Variants in MARCHF4 observed in about 807,000 individuals in gnomAD.
MARCHF4 encodes membrane associated ring-CH-type finger 4.
A neutral mutation model predicts 43.9 loss-of-function variants in MARCHF4; 14 were observed. The ratio of observed to expected loss-of-function variants is 0.32; its 90% CI spans 0.21 to 0.50. The LOEUF is 0.50. MARCHF4 is among the 20% of genes least tolerant of loss of function. MARCHF4 has a pLI of 0.98. For missense variants in MARCHF4, 468 were observed against 536.7 expected, an observed-to-expected ratio of 0.87 and a Z score of 1.27; for synonymous variants, 226 against 213.3, an observed-to-expected ratio of 1.06 and a Z score of -0.52.
chr2:216,353,973 C>G (rs929496218), intron 1 of MARCHF4, among the ~76,000 whole-genome samples: 1 of 152,192 alleles, frequency 6.6e-6, no homozygotes, highest in African/African-American at 2.4e-5. Flanking sequence ...AAAGTTTCTT[C>G]CAGACCCTCT....
intron 1 of MARCHF4, among the ~76,000 whole-genome samples, chr2:216,368,259 T>C (rs1007980368): frequency 5.3e-5 from 8 of 152,224 alleles, no homozygotes; most frequent in African/African-American, 1.7e-4. Flanking sequence ...GGCACCCTCT[T>C]GTTGTCAGCC....
chr2:216,260,442 C>T (rs1690722911), intron 3 of MARCHF4, among the ~76,000 whole-genome samples: 1 of 152,178 alleles, frequency 6.6e-6, no homozygotes, highest in East Asian at 1.9e-4. Context: ...CCTGTTTTAG[C>T]AAGGGTGGTG....
intron 1 of MARCHF4, among the ~76,000 whole-genome samples, chr2:216,334,814 A>G (rs1202522810): frequency 6.6e-6 from 1 of 152,274 alleles, no homozygotes; most frequent in African/African-American, 2.4e-5. Context: ...AGGCTGTTTT[A>G]TCAGAAAAGA....
chr2:216,369,976 T>C lies in MARCHF4; in HGVS notation c.285A>G (p.Glu95=). ...CAGGAGGGGGCTCCCTGCCCACCAC[T>C]TCTCGGGGGCCCCTCCAGCCTGCCC... ...GGWAGWRGPR[E]VVGREPPPVP... Residue 95 remains glutamate (E), a synonymous_variant, in exon 1 of 4, where the codon GAA becomes GAG. Transcript: ENST00000273067. 6.4e-7 allele frequency: 1 copy of C among 1,555,854 alleles called. No homozygotes were observed. The highest frequency in any genetic ancestry group is 8.7e-7 in the Non-Finnish European group (1 of 1,147,296).
chr2:216,358,507 G>T (rs1439397919), intron 1 of MARCHF4, among the ~76,000 whole-genome samples: 2 of 152,310 alleles, frequency 1.3e-5, no homozygotes, highest in Admixed American at 6.5e-5. Flanking sequence ...GCATGATAAG[G>T]CATAAACAAG....
At chr2:216,289,236 C>A (rs537551409) in intron 1 of MARCHF4, among the ~76,000 whole-genome samples, 14 of 128,532 alleles carry the variant, frequency 1.1e-4, no homozygotes, top group Middle Eastern at 4.0e-3. Context: ...CTTCCCCACC[C>A]GCCCCCCACC....
chr2:216,304,725 G>A (rs1691553346), intron 1 of MARCHF4, among the ~76,000 whole-genome samples: 1 of 152,262 alleles, frequency 6.6e-6, no homozygotes, highest in South Asian at 2.1e-4. Context: ...AGGCTGAGGT[G>A]GGCGGATCAC....
intron 1 of MARCHF4, among the ~76,000 whole-genome samples, chr2:216,325,888 A>G (rs1303244858): frequency 6.8e-5 from 10 of 147,604 alleles, no homozygotes; most frequent in Admixed American, 2.7e-4. Context: ...ACCATTCAGG[A>G]CATAGGCATG....
At chr2:216,260,405 A>C (rs911812702) in intron 3 of MARCHF4, among the ~76,000 whole-genome samples, 5 of 152,244 alleles carry the variant, frequency 3.3e-5, no homozygotes, top group Non-Finnish European at 2.9e-5. Context: ...CTGGGGTTAA[A>C]TATCCACTGG....
chr2:216,324,511 A>G (rs962510692), intron 1 of MARCHF4, among the ~76,000 whole-genome samples: 28 of 152,180 alleles, frequency 1.8e-4, no homozygotes, highest in Admixed American at 5.9e-4. Flanking sequence ...AGACACAACC[A>G]AAAAAGAGAA....
intron 1 of MARCHF4, among the ~76,000 whole-genome samples, chr2:216,366,157 C>T (rs1692663504): frequency 6.6e-6 from 1 of 152,166 alleles, no homozygotes. Context: ...TGATTTGATG[C>T]TCAGAATAAT....
chr2:216,268,431 G>T (rs761847103), intron 3 of MARCHF4, among the ~76,000 whole-genome samples: 4 of 152,204 alleles, frequency 2.6e-5, no homozygotes, highest in Non-Finnish European at 4.4e-5. Context: ...ATTGGATCAT[G>T]GAGGCGGTTT....
chr2:216,323,184 G>A (rs564423385), intron 1 of MARCHF4, among the ~76,000 whole-genome samples: 24 of 152,176 alleles, frequency 1.6e-4, no homozygotes, highest in African/African-American at 5.1e-4. Flanking sequence ...ACCTCCTTAA[G>A]CTTATAGTAA....
chr2:216,352,529 GT>G (rs1471127801), intron 1 of MARCHF4, among the ~76,000 whole-genome samples: 1 of 151,928 alleles, frequency 6.6e-6, no homozygotes, highest in Non-Finnish European at 1.5e-5. Context: ...TTTTGTTGTT[GT>G]TTTTTTAATA....
rs1692751271 is a variant in MARCHF4, at chr2:216,371,005, T to C, written c.-745A>G. 2 of 152,082 alleles carry C rather than the reference T, an allele frequency of 1.3e-5. No individual in the cohort carries two copies. The highest frequency in any genetic ancestry group is 2.9e-5 in the Non-Finnish European group (2 of 68,048). The allele number at this position is 152,082 out of a possible 1,614,324, so 9.4% of individuals were successfully genotyped here. A position where few individuals can be genotyped will look rare whatever the true frequency, so the allele number is the denominator to read the frequency against. ...TTGCAGGTGAAACTGGGCTAGGGGCTTGTGCTTTGCCTCCGCAGCCAAAGG... is the reference window on the plus strand; with the variant it reads ...TTGCAGGTGAAACTGGGCTAGGGGCCTGTGCTTTGCCTCCGCAGCCAAAGG... On this transcript the variant is annotated 5_prime_UTR_variant, in exon 1 of 4. Transcript: ENST00000273067.
At chr2:216,268,950 AAT>A (rs1475056972) in intron 3 of MARCHF4, among the ~76,000 whole-genome samples, 1 of 152,292 alleles carries the variant, frequency 6.6e-6, no homozygotes, top group East Asian at 1.9e-4. Context: ...ATGAGATTTA[AAT>A]TCCTTCATCT....
chr2:216,259,222 C>A lies in MARCHF4; in HGVS notation c.*90G>T. The A allele has an allele frequency of 6.7e-7, 1 of 1,487,086 alleles. No homozygotes were observed. The highest frequency in any genetic ancestry group is 8.9e-7 in the Non-Finnish European group (1 of 1,122,880). The allele number at this position is 1,487,086 out of a possible 1,614,324, so 92.1% of individuals were successfully genotyped here. ...CAGGTCCCCCACCCTCTGCCTGCTCCCTCTGTTGGCTCTGGGGGTGCCACT... is the reference window on the plus strand; with the variant it reads ...CAGGTCCCCCACCCTCTGCCTGCTCACTCTGTTGGCTCTGGGGGTGCCACT... On this transcript the variant is annotated 3_prime_UTR_variant, in exon 4 of 4. Transcript: ENST00000273067.
chr2:216,322,313 G>A (rs530350547), intron 1 of MARCHF4, among the ~76,000 whole-genome samples: 2 of 152,348 alleles, frequency 1.3e-5, no homozygotes, highest in South Asian at 2.1e-4. Flanking sequence ...CTGGTGATAA[G>A]TTGCCTGGAA....
At chr2:216,264,825 C>A (rs1002542182) in intron 3 of MARCHF4, among the ~76,000 whole-genome samples, 1 of 152,158 alleles carries the variant, frequency 6.6e-6, no homozygotes, top group East Asian at 1.9e-4. Context: ...AGTAGTTAAA[C>A]CATTTTAATG....
Sources: allele counts gnomAD v4.1 joint callset (sites outside exome capture counted in the v4.1 genomes callset), GRCh38; gene constraint gnomAD v4.1.1; transcripts MANE v1.5; gene names NCBI Gene and HGNC (gene_info 2026-07-23, HGNC 2026-07-21).